The following PRKN variants were observed in gnomAD, a reference collection of about 807,000 sequenced individuals.
PRKN encodes parkin RBR E3 ubiquitin protein ligase.
A neutral mutation model predicts 59.5 loss-of-function variants in PRKN; 56 were observed. The ratio of observed to expected loss-of-function variants is 0.94; its 90% confidence interval spans 0.76 to 1.18. PRKN has a LOEUF of 1.18. Among genes scored for constraint, PRKN ranks in the 50% most tolerant of loss-of-function variants. The probability of loss-of-function intolerance (pLI) is 0.00; values close to 1 mark genes in which losing one functional copy is unlikely to be tolerated. For synonymous variants in PRKN, 250 were observed against 222.1 expected (o/e 1.13, Z -1.12); for missense variants, 657 against 596.4 (o/e 1.10, Z -1.06).
chr6:162,263,140 T>C (rs2128100365), intron 2 of PRKN: 11 of 306,568 alleles, frequency 3.6e-5, no homozygotes, highest in Non-Finnish European at 5.6e-5. Context: ...AGTGCAGTGG[T>C]GTGATTTCCG....
intron 6 of PRKN, among the ~76,000 whole-genome samples, chr6:161,849,338 T>C (rs1476570638): frequency 6.6e-6 from 1 of 152,186 alleles, no homozygotes; most frequent in Non-Finnish European, 1.5e-5. Context: ...TAATGGGTGT[T>C]GACAGGTTTT....
At chr6:161,915,995 A>C (rs1778542518) in intron 6 of PRKN, among the ~76,000 whole-genome samples, 1 of 152,188 alleles carries the variant, frequency 6.6e-6, no homozygotes, top group South Asian at 2.1e-4. Flanking sequence ...ATTCTCGACT[A>C]TATCAAATGA....
chr6:162,075,465 A>G (rs1293355806), intron 4 of PRKN, among the ~76,000 whole-genome samples: 1 of 152,118 alleles, frequency 6.6e-6, no homozygotes, highest in South Asian at 2.1e-4. Flanking sequence ...GATCGCCTGC[A>G]TTTATTTTTA....
chr6:161,412,356 C>A (rs1245537621), intron 9 of PRKN, among the ~76,000 whole-genome samples: 3 of 150,130 alleles, frequency 2.0e-5, no homozygotes, highest in African/African-American at 7.4e-5. Flanking sequence ...TCCTTTGTCA[C>A]TTATTCCTCC....
rs3032927 is a variant in PRKN at position 161,582,413 on chromosome 6, C to CTATTATTATTATTAT, written c.872-13012_872-12998dup. Among the ~76,000 whole-genome samples, 39 of 146,220 alleles carry CTATTATTATTATTAT rather than the reference C, an allele frequency of 2.7e-4. No homozygotes were observed. Among genetic ancestry groups the CTATTATTATTATTAT allele is most frequent in the African/African-American group, 8.6e-4 (34 of 39,614 alleles). ...AACTAGGAAAGACTGCATCTGCAGA[C>CTATTATTATTATTAT]TATTATTATTATTATTATTATTATT... On this transcript the variant is annotated intron_variant, in intron 7 of 11. Coordinates refer to ENST00000366898, the MANE Select transcript of PRKN (RefSeq NM_004562.3). This position sits in a 1 kb window ranked among gnomAD's most constrained non-coding sequence, Gnocchi z 4.4.
At chr6:161,738,693 G>A (rs1442221696) in intron 7 of PRKN, among the ~76,000 whole-genome samples, 1 of 152,092 alleles carries the variant, frequency 6.6e-6, no homozygotes, top group African/African-American at 2.4e-5. Flanking sequence ...GAAACCCTGG[G>A]TGCAGTCACC....
chr6:162,690,871 C>A (rs563303267), intron 1 of PRKN, among the ~76,000 whole-genome samples: 1 of 150,904 alleles, frequency 6.6e-6, no homozygotes, highest in African/African-American at 2.5e-5. Context: ...TTGGGTTTTT[C>A]TTTACTGATA....
chr6:161,612,582 G>A (rs560556853), intron 7 of PRKN, among the ~76,000 whole-genome samples: 16 of 151,968 alleles, frequency 1.1e-4, no homozygotes, highest in Non-Finnish European at 1.6e-4. Flanking sequence ...TTAGCCAGGC[G>A]TGGTGGCGTG....
Position 161,886,751 on chromosome 6 carries a change from T to TA in PRKN, c.734+86550dup, listed in dbSNP as rs11356803. Among the ~76,000 whole-genome samples, 89 of 144,812 alleles carry TA rather than the reference T, an allele frequency of 6.1e-4. 1 individual carries two copies. The South Asian group carries it at 9.4e-3, about 15-fold the overall frequency. On this transcript the variant is annotated intron_variant, in intron 6 of 11. Transcript: ENST00000366898. ...CATAAAATAAAATAAAATAATAAAA[T>TA]AAAAAAAAATAAAATAAAATGAATA...
intron 2 of PRKN, among the ~76,000 whole-genome samples, chr6:162,280,334 A>T (rs565981128): frequency 6.6e-6 from 1 of 152,168 alleles, no homozygotes; most frequent in East Asian, 1.9e-4. Flanking sequence ...TTTGAAACCA[A>T]TGAGAACAGA....
intron 4 of PRKN, among the ~76,000 whole-genome samples, chr6:162,118,833 T>C (rs572085296): frequency 1.1e-4 from 17 of 152,330 alleles, no homozygotes; most frequent in African/African-American, 4.1e-4. Flanking sequence ...GTCCTGGCCT[T>C]TGAACACGAA....
At chr6:162,027,036 T>G (rs188116924) in intron 5 of PRKN, among the ~76,000 whole-genome samples, 14 of 152,246 alleles carry the variant, frequency 9.2e-5, no homozygotes, top group African/African-American at 3.4e-4. Flanking sequence ...AGATAAGCAA[T>G]TTTGCCTGTG....
At chr6:161,754,584 C>G (rs536551863) in intron 7 of PRKN, among the ~76,000 whole-genome samples, 5 of 152,082 alleles carry the variant, frequency 3.3e-5, no homozygotes, top group Non-Finnish European at 5.9e-5. Context: ...GTCCCTGCGG[C>G]CTCTCAGAGG....
At chr6:161,923,773 C>G (rs1486647367) in intron 6 of PRKN, among the ~76,000 whole-genome samples, 1 of 152,156 alleles carries the variant, frequency 6.6e-6, no homozygotes, top group Admixed American at 6.5e-5. Context: ...TGTTAGGTAA[C>G]TGCAGTACAA....
At chr6:161,510,108 G>C (rs574894190) in intron 9 of PRKN, among the ~76,000 whole-genome samples, 1 of 152,040 alleles carries the variant, frequency 6.6e-6, no homozygotes, top group Non-Finnish European at 1.5e-5. Flanking sequence ...ATCGTTGAGA[G>C]GCATGTTCTT....
At chr6:162,152,252 G>A (rs1296465459) in intron 4 of PRKN, among the ~76,000 whole-genome samples, 4 of 152,114 alleles carry the variant, frequency 2.6e-5, no homozygotes, top group African/African-American at 4.8e-5. Flanking sequence ...GGCTCACATC[G>A]TTTCCTAGTA....
At chr6:161,707,035 C>A (rs975667118) in intron 7 of PRKN, among the ~76,000 whole-genome samples, 8 of 152,138 alleles carry the variant, frequency 5.3e-5, no homozygotes. Flanking sequence ...ACATATTTCT[C>A]ATAAAGCTTT....
intron 5 of PRKN, among the ~76,000 whole-genome samples, chr6:161,997,164 C>T (rs1583457725): frequency 6.6e-6 from 1 of 152,030 alleles, no homozygotes; most frequent in Non-Finnish European, 1.5e-5. Flanking sequence ...CTTCTTGGTG[C>T]ATTAAATGAA....
intron 7 of PRKN, among the ~76,000 whole-genome samples, chr6:161,757,039 A>G (rs1402257540): frequency 1.3e-5 from 2 of 152,226 alleles, no homozygotes; most frequent in African/African-American, 4.8e-5. Context: ...AAATACCAAT[A>G]ATATAAAAGA....
Sources: gnomAD v4.1 joint callset for allele counts (sites outside exome capture counted in the v4.1 genomes callset) on GRCh38, gnomAD v4.1.1 for gene constraint, Gnocchi (gnomAD v3.1) non-coding constraint, MANE v1.5 for transcripts, NCBI Gene and HGNC (gene_info 2026-07-23, HGNC 2026-07-21) for gene names.